GNAL: variants seen among roughly 807,000 people sequenced by gnomAD.
GNAL encodes guanine nucleotide-binding protein G(olf) subunit alpha.
Under a neutral mutation model 55.1 loss-of-function variants are expected in GNAL, and 18 were observed. The ratio of observed to expected loss-of-function variants is 0.33; its 90% CI spans 0.23 to 0.48. GNAL has a LOEUF of 0.48. Ranked by LOEUF, GNAL falls within the 20% of genes least tolerant of loss-of-function variation. GNAL has a pLI of 0.99. For synonymous variants in GNAL, 253 were observed against 237.0 expected (o/e 1.07, Z -0.62); for missense variants, 412 against 614.1 (o/e 0.67, Z 3.48).
chr18:11,867,663 A>C (rs564100203), intron 8 of GNAL, among the ~76,000 whole-genome samples: 1 of 151,930 alleles, frequency 6.6e-6, no homozygotes, highest in South Asian at 2.1e-4. Flanking sequence ...AAATACAAAA[A>C]ATTAGCCGGG....
chr18:11,758,704 C>T (rs1481441202), intron 4 of GNAL, among the ~76,000 whole-genome samples: 1 of 152,060 alleles, frequency 6.6e-6, no homozygotes, highest in Non-Finnish European at 1.5e-5. Context: ...ATGAATACAC[C>T]CAAAGCTTCA....
intron 4 of GNAL, among the ~76,000 whole-genome samples, chr18:11,802,961 CAG>C (rs757931983): frequency 2.3e-4 from 35 of 152,254 alleles, no homozygotes; most frequent in Middle Eastern, 6.8e-3. Flanking sequence ...GGAGGGGAAT[CAG>C]GGAGCCAGGG....
intron 4 of GNAL, among the ~76,000 whole-genome samples, chr18:11,784,873 A>G (rs189433818): frequency 9.7e-4 from 148 of 152,322 alleles, no homozygotes; most frequent in Non-Finnish European, 1.8e-3. Flanking sequence ...TGGGAGTCAG[A>G]AAAGTGGGAG....
rs370848127 is a variant in GNAL at position 11,790,920 on chromosome 18, G to A, written c.625-33998G>A. Among the ~76,000 whole-genome samples, 281 of 152,114 alleles carry A rather than the reference G, an allele frequency of 1.8e-3. No individual in the cohort carries two copies. The South Asian group carries it at 0.019, about 10-fold the overall frequency. The stretch of plus-strand genomic sequence containing the variant: ...AATCCGCCTGCCTCAGCTTCCCTAA[G>A]TTCTGGGATTACAGGCGTGAGCCAC... On this transcript the variant is annotated intron_variant, in intron 4 of 11. Coordinates refer to ENST00000334049, the MANE Select transcript of GNAL (RefSeq NM_182978.4).
intron 1 of GNAL, chr18:11,746,852 C>T: frequency 1.9e-6 from 1 of 530,316 alleles, no homozygotes; most frequent in South Asian, 1.4e-5. Flanking sequence ...AAGTGAACAT[C>T]ATGAAACCCT....
chr18:11,762,280 C>T (rs988152147), intron 4 of GNAL, among the ~76,000 whole-genome samples: 3 of 152,112 alleles, frequency 2.0e-5, no homozygotes, highest in African/African-American at 7.2e-5. Context: ...TCAGTGGGGC[C>T]ACATGGAGGT....
chr18:11,813,638 T>C lies in GNAL; in HGVS notation c.625-11280T>C, dbSNP rs1446604152. On this transcript the variant is annotated intron_variant, in intron 4 of 11. Transcript: ENST00000334049. ...GAAAGCCACAATAATCAAGACAGTA[T>C]AGTGCTAGCATGAGGAGAGAGCTAG... is the stretch of plus-strand genomic sequence containing the variant. Among the ~76,000 whole-genome samples, 3 of 152,196 alleles carry C rather than the reference T, an allele frequency of 2.0e-5. No homozygotes were observed. In the South Asian group the frequency reaches 6.2e-4, roughly 32 times the overall value.
At chr18:11,726,014 T>C (rs996979693) in intron 1 of GNAL, among the ~76,000 whole-genome samples, 1 of 152,236 alleles carries the variant, frequency 6.6e-6, no homozygotes, top group Non-Finnish European at 1.5e-5. Flanking sequence ...GAAAAGACTA[T>C]CCTTTCTCCA....
At chr18:11,802,971 G>A (rs1472288001) in intron 4 of GNAL, among the ~76,000 whole-genome samples, 1 of 152,202 alleles carries the variant, frequency 6.6e-6, no homozygotes, top group Non-Finnish European at 1.5e-5. Context: ...CAGGGAGCCA[G>A]GGAATGGGGA....
chr18:11,696,474 A>C (rs1033824787), intron 1 of GNAL, among the ~76,000 whole-genome samples: 8 of 151,234 alleles, frequency 5.3e-5, no homozygotes, highest in Non-Finnish European at 1.0e-4. Context: ...CACTGCACTT[A>C]AGCTTGGGCG....
At chr18:11,743,382 TG>T (rs1333522236) in intron 1 of GNAL, among the ~76,000 whole-genome samples, 2 of 152,208 alleles carry the variant, frequency 1.3e-5, no homozygotes, top group Admixed American at 6.5e-5. Context: ...TCTGTCTTTT[TG>T]CTCCAAATCA....
intron 4 of GNAL, among the ~76,000 whole-genome samples, chr18:11,802,042 A>G (rs1419006575): frequency 1.3e-5 from 2 of 152,210 alleles, no homozygotes; most frequent in African/African-American, 4.8e-5. Context: ...TTTCAAATAT[A>G]AACTTGGTTA....
At chr18:11,791,231 A>G (rs1412918396) in intron 4 of GNAL, among the ~76,000 whole-genome samples, 3 of 152,192 alleles carry the variant, frequency 2.0e-5, no homozygotes, top group African/African-American at 7.2e-5. Context: ...GGTTTCCATG[A>G]AAGTAATGTT....
chr18:11,875,519 T>A lies in GNAL; in HGVS notation c.1163-1102T>A, dbSNP rs578205608. 2.6e-5 allele frequency among the ~76,000 whole-genome samples: 4 copies of A among 152,136 alleles called. 1 individual carries two copies. Among genetic ancestry groups the A allele is most frequent in the African/African-American group, 9.7e-5 (4 of 41,418 alleles). On this transcript the variant is annotated intron_variant, in intron 10 of 11. Transcript: ENST00000334049. ...TTAGCACCATCCTCTTGACACTGTT[T>A]TCAAGATAGTGAATGGGTTCTGCAA...
intron 1 of GNAL, among the ~76,000 whole-genome samples, chr18:11,742,143 G>A (rs1021140696): frequency 2.6e-5 from 4 of 152,092 alleles, no homozygotes; most frequent in African/African-American, 9.7e-5. Flanking sequence ...AGTATGCTTT[G>A]TTACCTGTGT....
chr18:11,876,331 C>T (rs985096938), intron 10 of GNAL, among the ~76,000 whole-genome samples: 4 of 152,096 alleles, frequency 2.6e-5, no homozygotes, highest in African/African-American at 7.2e-5. Context: ...GTTGTGATGG[C>T]GGGTGCCCGT....
chr18:11,739,309 G>A (rs1445399470), intron 1 of GNAL, among the ~76,000 whole-genome samples: 1 of 152,194 alleles, frequency 6.6e-6, no homozygotes, highest in Non-Finnish European at 1.5e-5. Flanking sequence ...CATACATTCT[G>A]TAGATGTGCA....
At chr18:11,825,944 T>G (rs1311836113) in intron 5 of GNAL, among the ~76,000 whole-genome samples, 1 of 152,206 alleles carries the variant, frequency 6.6e-6, no homozygotes, top group Non-Finnish European at 1.5e-5. Context: ...ACTAGTTGTT[T>G]TATGTAAAGC....
At chr18:11,813,753 C>G (rs930713128) in intron 4 of GNAL, among the ~76,000 whole-genome samples, 1 of 152,198 alleles carries the variant, frequency 6.6e-6, no homozygotes, top group African/African-American at 2.4e-5. Flanking sequence ...TGGCATGTGC[C>G]TGTGGTCCCA....
Sources: gnomAD v4.1 joint callset for allele counts (sites outside exome capture counted in the v4.1 genomes callset) on GRCh38, gnomAD v4.1.1 for gene constraint, MANE v1.5 for transcripts, NCBI Gene and HGNC (gene_info 2026-07-23, HGNC 2026-07-21) for gene names.